ASIC2: variants seen among roughly 807,000 people sequenced by gnomAD.
ASIC2 encodes the protein acid-sensing ion channel 2.
ASIC2 carries 25 observed loss-of-function variants against 57.3 expected under a neutral mutation model. That is an observed-to-expected ratio of 0.44 (90% CI 0.32 to 0.61). ASIC2 has a LOEUF of 0.61. ASIC2 is among the 20% of genes least tolerant of loss of function. ASIC2 has a pLI of 0.06. For synonymous variants in ASIC2, 319 were observed against 307.5 expected, an observed-to-expected ratio of 1.04 and a Z score of -0.39; for missense variants, 641 against 738.1, an observed-to-expected ratio of 0.87 and a Z score of 1.52.
intron 1 of ASIC2, among the ~76,000 whole-genome samples, chr17:33,362,926 C>T (rs1033760765): frequency 6.6e-6 from 1 of 152,162 alleles, no homozygotes; most frequent in Non-Finnish European, 1.5e-5. Context: ...CCATCTTACA[C>T]AAATAAATGT....
At chr17:33,412,981 C>T (rs959016077) in intron 1 of ASIC2, among the ~76,000 whole-genome samples, 4 of 152,134 alleles carry the variant, frequency 2.6e-5, no homozygotes, top group Non-Finnish European at 5.9e-5. Flanking sequence ...ATGGACAAGC[C>T]GCTCTGTGCT....
At chr17:33,663,744 T>G (rs1294730414) in intron 1 of ASIC2, among the ~76,000 whole-genome samples, 1 of 152,134 alleles carries the variant, frequency 6.6e-6, no homozygotes, top group African/African-American at 2.4e-5. Context: ...TGCCAACGGA[T>G]AGCAGGTTTG....
intron 1 of ASIC2, among the ~76,000 whole-genome samples, chr17:34,055,681 A>C (rs1421893132): frequency 2.6e-5 from 4 of 152,146 alleles, no homozygotes; most frequent in African/African-American, 9.7e-5. Flanking sequence ...ATGTTTTTAA[A>C]ATTCATTTAT....
intron 1 of ASIC2, among the ~76,000 whole-genome samples, chr17:33,208,496 A>T (rs957416402): frequency 2.0e-5 from 3 of 152,058 alleles, no homozygotes; most frequent in African/African-American, 7.2e-5. Flanking sequence ...TTTGCCTGGA[A>T]TGCTCTTTCC....
chr17:33,909,608 C>A (rs1190605042), intron 1 of ASIC2, among the ~76,000 whole-genome samples: 1 of 152,148 alleles, frequency 6.6e-6, no homozygotes, highest in Non-Finnish European at 1.5e-5. Context: ...CCTTGTTCTG[C>A]CTAGGTACAT....
chr17:34,038,774 G>A (rs1207994700), intron 1 of ASIC2: 2 of 1,611,470 alleles, frequency 1.2e-6, no homozygotes. Context: ...AGCTCCATTG[G>A]TCTTGCTTTT....
At chr17:33,445,332 A>G (rs1911974857) in intron 1 of ASIC2, among the ~76,000 whole-genome samples, 1 of 152,170 alleles carries the variant, frequency 6.6e-6, no homozygotes. Context: ...TTGGGAGGCT[A>G]AGGCACAATA....
At chr17:33,101,534 G>A (rs891492478) in intron 2 of ASIC2, among the ~76,000 whole-genome samples, 4 of 151,972 alleles carry the variant, frequency 2.6e-5, no homozygotes, top group Admixed American at 2.6e-4. Flanking sequence ...TCAACTGCTT[G>A]AGATTTATTT....
Position 33,586,860 on chromosome 17 carries a change from G to C in ASIC2, c.556-474793C>G, listed in dbSNP as rs1904656005. Among the ~76,000 whole-genome samples, 3 of 152,090 alleles carry C rather than the reference G, an allele frequency of 2.0e-5. No individual in the cohort carries two copies. The South Asian group carries it at 6.2e-4, about 32-fold the overall frequency. ...AATTATCTTCTTTATTTTCTCATTT[G>C]TTCATTATACACCTCTCTGAGCAGT... On this transcript the variant is annotated intron_variant, in intron 1 of 9. Transcript: ENST00000359872.
chr17:33,753,026 T>C (rs1910481636), intron 1 of ASIC2, among the ~76,000 whole-genome samples: 1 of 152,232 alleles, frequency 6.6e-6, no homozygotes. Flanking sequence ...TTATTTATAA[T>C]TGCCAAAGAA....
Position 33,502,955 on chromosome 17 carries a change from T to A in ASIC2, c.556-390888A>T, listed in dbSNP as rs1303487834. ...TTACAGGAAGGCGCATTTAAGAAAA[T>A]TTTCAAGGAAGGCACATTTGAGAAA... On this transcript the variant is annotated intron_variant, in intron 1 of 9. Transcript: ENST00000359872. Among the ~76,000 whole-genome samples the A allele has an allele frequency of 3.3e-5, 5 of 152,038 alleles. No individual in the cohort carries two copies. The East Asian group carries it at 5.8e-4, about 18-fold the overall frequency.
At chr17:33,808,212 A>G (rs544037936) in intron 1 of ASIC2, among the ~76,000 whole-genome samples, 63 of 152,374 alleles carry the variant, frequency 4.1e-4, no homozygotes, top group Non-Finnish European at 5.6e-4. Context: ...GTTTGTGAAC[A>G]GTGTGAGGTC....
At chr17:33,960,171 C>T (rs1247759140) in intron 1 of ASIC2, among the ~76,000 whole-genome samples, 7 of 152,280 alleles carry the variant, frequency 4.6e-5, no homozygotes, top group Middle Eastern at 3.4e-3. Context: ...CTGTCTTTCT[C>T]GTGTGGAAAC....
At chr17:34,086,817 C>T (rs1164179726) in intron 1 of ASIC2, among the ~76,000 whole-genome samples, 1 of 152,128 alleles carries the variant, frequency 6.6e-6, no homozygotes, top group African/African-American at 2.4e-5. Context: ...CTCTTTTGAT[C>T]TTTGTTGGTT....
rs1468484596 is a variant in ASIC2 at position 34,044,124 on chromosome 17, ACGCACG to A, written c.555+111848_555+111853del. 7.1e-3 allele frequency among the ~76,000 whole-genome samples: 360 copies of A among 50,508 alleles called. 2 individuals are homozygous for A. Among genetic ancestry groups the A allele is most frequent in the African/African-American group, 0.062 (334 of 5,344 alleles). The allele number at this position is 50,508 out of a possible 152,430, so 33.1% of individuals were successfully genotyped here. A position where few individuals can be genotyped will look rare whatever the true frequency, so the allele number is the denominator to read the frequency against. On this transcript the variant is annotated intron_variant, in intron 1 of 9. Coordinates refer to the ASIC2 transcript ENST00000359872. ...ATCACACACACACACACACACACAC[ACGCACG>A]CACACACACACACACACACCAAGAA...
chr17:33,976,951 A>G (rs747577324), intron 1 of ASIC2, among the ~76,000 whole-genome samples: 1 of 152,046 alleles, frequency 6.6e-6, no homozygotes, highest in Non-Finnish European at 1.5e-5. Context: ...GCTTGTCATC[A>G]TCAACTTATA....
intron 1 of ASIC2, among the ~76,000 whole-genome samples, chr17:33,701,288 G>A (rs2046900): frequency 0.19 from 29,292 of 151,970 alleles, 3,405 homozygotes; most frequent in African/African-American, 0.33. Flanking sequence ...ATGGAATACC[G>A]ACCAATCTCT....
chr17:33,046,494 G>A (rs971555350), intron 3 of ASIC2, among the ~76,000 whole-genome samples: 7 of 152,156 alleles, frequency 4.6e-5, no homozygotes, highest in Admixed American at 4.6e-4. Flanking sequence ...TTTTGCCCAG[G>A]CTGGGAGTGT....
chr17:33,683,355 C>T (rs752482085), intron 1 of ASIC2, among the ~76,000 whole-genome samples: 41 of 152,142 alleles, frequency 2.7e-4, no homozygotes, highest in African/African-American at 4.1e-4. Flanking sequence ...TGTGAGCCAC[C>T]GCACCTTGCC....
Sources: allele counts gnomAD v4.1 joint callset (sites outside exome capture counted in the v4.1 genomes callset), GRCh38; gene constraint gnomAD v4.1.1; transcripts MANE v1.5; gene names NCBI Gene and HGNC (gene_info 2026-07-23, HGNC 2026-07-21).